The following LRMDA variants were observed in gnomAD, a reference collection of about 807,000 sequenced individuals.
LRMDA encodes leucine-rich melanocyte differentiation-associated protein.
LRMDA carries 18 observed loss-of-function variants against 29.8 expected under a neutral mutation model. The ratio of observed to expected loss-of-function variants is 0.60; its 90% confidence interval spans 0.42 to 0.90. LRMDA has a LOEUF of 0.90. LRMDA is among the 40% of genes least tolerant of loss of function. LRMDA has a pLI of 0.00. For synonymous variants in LRMDA, 125 were observed against 109.4 expected (o/e 1.14, Z -0.89); for missense variants, 273 against 273.9 (o/e 1.00, Z 0.02).
intron 2 of LRMDA, among the ~76,000 whole-genome samples, chr10:75,509,532 C>T (rs538080853): frequency 6.6e-6 from 1 of 152,264 alleles, no homozygotes; most frequent in South Asian, 2.1e-4. Flanking sequence ...TCTCTGATAC[C>T]TGTTGACACC....
intron 2 of LRMDA, among the ~76,000 whole-genome samples, chr10:75,545,351 T>A (rs1005348481): frequency 6.6e-6 from 1 of 151,924 alleles, no homozygotes; most frequent in Non-Finnish European, 1.5e-5. Context: ...AAGAAAAAAA[T>A]TTGAGAATTG....
chr10:75,907,867 T>G (rs1471154392), intron 2 of LRMDA, among the ~76,000 whole-genome samples: 1 of 151,752 alleles, frequency 6.6e-6, no homozygotes, highest in Admixed American at 6.6e-5. Flanking sequence ...TTCATAGGAG[T>G]AGATGTTGAG....
intron 6 of LRMDA, among the ~76,000 whole-genome samples, chr10:76,440,154 G>A (rs1307099691): frequency 2.0e-5 from 3 of 152,212 alleles, no homozygotes; most frequent in Admixed American, 6.5e-5. Context: ...GATACCAAGG[G>A]TATGGGAGGC....
intron 2 of LRMDA, among the ~76,000 whole-genome samples, chr10:75,943,077 T>A (rs543147186): frequency 3.3e-4 from 50 of 151,920 alleles, no homozygotes; most frequent in Non-Finnish European, 6.5e-4. Context: ...GGAGTCTGGT[T>A]CCAGGATGGA....
At chr10:76,361,438 AG>A (rs1180516899) in intron 6 of LRMDA, among the ~76,000 whole-genome samples, 2 of 152,092 alleles carry the variant, frequency 1.3e-5, no homozygotes, top group Non-Finnish European at 2.9e-5. Context: ...CGGAGCAAGA[AG>A]ATAATGGAAA....
At chr10:76,538,611 A>G (rs1478148702) in intron 6 of LRMDA, among the ~76,000 whole-genome samples, 8 of 150,336 alleles carry the variant, frequency 5.3e-5, no homozygotes, top group African/African-American at 1.9e-4. Flanking sequence ...TATATTAGGT[A>G]GTCATGGAAA....
At chr10:75,558,115 C>T (rs1471511652) in intron 2 of LRMDA, among the ~76,000 whole-genome samples, 1 of 149,212 alleles carries the variant, frequency 6.7e-6, no homozygotes, top group Non-Finnish European at 1.5e-5. Flanking sequence ...ATGTATACAA[C>T]TTAGAAAAAA....
At chr10:75,985,262 A>G (rs554573251) in intron 2 of LRMDA, among the ~76,000 whole-genome samples, 1 of 152,370 alleles carries the variant, frequency 6.6e-6, no homozygotes, top group Admixed American at 6.5e-5. Flanking sequence ...GATACCAACC[A>G]TGGCATCCAG....
At chr10:75,500,343 T>A (rs2132068633) in intron 2 of LRMDA, among the ~76,000 whole-genome samples, 1 of 152,326 alleles carries the variant, frequency 6.6e-6, no homozygotes, top group Admixed American at 6.5e-5. Flanking sequence ...GATAATAATA[T>A]TCTCAGAATT....
intron 5 of LRMDA, among the ~76,000 whole-genome samples, chr10:76,070,767 G>A (rs1222518578): frequency 6.6e-6 from 1 of 152,196 alleles, no homozygotes; most frequent in Non-Finnish European, 1.5e-5. Flanking sequence ...AGAAAGGAAT[G>A]TGAGAGGGGA....
chr10:76,374,306 T>C (rs1841489800), intron 6 of LRMDA, among the ~76,000 whole-genome samples: 1 of 152,200 alleles, frequency 6.6e-6, no homozygotes, highest in Admixed American at 6.6e-5. Context: ...CCATATTCTC[T>C]AAGAGTTCAG....
intron 5 of LRMDA, among the ~76,000 whole-genome samples, chr10:76,301,439 C>T (rs1460054728): frequency 2.0e-5 from 3 of 152,212 alleles, no homozygotes; most frequent in Non-Finnish European, 4.4e-5. Context: ...GAAGCGCAAG[C>T]TGGCTTGACC....
At chr10:76,090,606 T>A (rs544542835) in intron 5 of LRMDA, among the ~76,000 whole-genome samples, 1 of 152,236 alleles carries the variant, frequency 6.6e-6, no homozygotes, top group South Asian at 2.1e-4. Context: ...TTATTCACAA[T>A]AGCCAAAAGG....
intron 2 of LRMDA, among the ~76,000 whole-genome samples, chr10:75,614,692 C>G (rs1841076825): frequency 6.6e-6 from 1 of 152,118 alleles, no homozygotes; most frequent in African/African-American, 2.4e-5. Context: ...CATGGGCACA[C>G]AGTTGTGATG....
intron 2 of LRMDA, among the ~76,000 whole-genome samples, chr10:75,625,874 G>A (rs77947162): frequency 6.9e-6 from 1 of 144,396 alleles, no homozygotes. Context: ...TTTTTTTTTT[G>A]AGGGTCTCAC....
intron 2 of LRMDA, among the ~76,000 whole-genome samples, chr10:75,685,294 C>T (rs1014502725): frequency 6.6e-6 from 1 of 151,006 alleles, no homozygotes; most frequent in African/African-American, 2.4e-5. Context: ...GACATTTGTT[C>T]TCCTTGGGGA....
intron 2 of LRMDA, among the ~76,000 whole-genome samples, chr10:75,870,283 C>T (rs1845086841): frequency 6.6e-6 from 1 of 152,346 alleles, no homozygotes; most frequent in South Asian, 2.1e-4. Flanking sequence ...TTTGGCACTA[C>T]AGAAGCAAAG....
intron 2 of LRMDA, among the ~76,000 whole-genome samples, chr10:75,819,990 C>A (rs534743634): frequency 6.6e-6 from 1 of 152,080 alleles, no homozygotes; most frequent in African/African-American, 2.4e-5. Flanking sequence ...ATACATGCAC[C>A]AAATACTAGA....
intron 5 of LRMDA, among the ~76,000 whole-genome samples, chr10:76,219,774 C>A (rs1270194404): frequency 1.3e-5 from 2 of 152,144 alleles, no homozygotes; most frequent in East Asian, 1.9e-4. Flanking sequence ...ACCTAATAGA[C>A]ATCTACAGAA....
Sources: allele counts gnomAD v4.1 joint callset (sites outside exome capture counted in the v4.1 genomes callset), GRCh38; gene constraint gnomAD v4.1.1; transcripts MANE v1.5; gene names NCBI Gene and HGNC (gene_info 2026-07-23, HGNC 2026-07-21).